The following RNF169 variants were observed in gnomAD, a reference collection of about 807,000 sequenced individuals.
RNF169 encodes the protein E3 ubiquitin-protein ligase RNF169.
RNF169 carries 24 observed loss-of-function variants against 53.9 expected under a neutral mutation model. That is an observed-to-expected ratio of 0.45 (90% CI 0.32 to 0.63). The LOEUF is 0.63. Ranked by LOEUF, RNF169 falls within the 20% of genes least tolerant of loss-of-function variation. The pLI is 0.04. For synonymous variants in RNF169, 396 were observed against 363.5 expected, an observed-to-expected ratio of 1.09 and a Z score of -1.02; for missense variants, 883 against 906.2, an observed-to-expected ratio of 0.97 and a Z score of 0.33.
chr11:74,817,800 G>T (rs933633181), intron 4 of RNF169, 86 bp downstream of exon 4: 7 of 848,214 alleles, frequency 8.3e-6, no homozygotes, highest in East Asian at 4.9e-5. Flanking sequence ...GGTATTTGTT[G>T]TGGCTACTTT....
intron 1 of RNF169, among the ~76,000 whole-genome samples, chr11:74,765,024 C>G (rs1554992093): frequency 4.0e-5 from 6 of 151,738 alleles, no homozygotes; most frequent in Non-Finnish European, 7.4e-5. Flanking sequence ...TCAGCCTGGG[C>G]AAAAAAATGA....
intron 2 of RNF169, among the ~76,000 whole-genome samples, chr11:74,800,188 T>C (rs2035709634): frequency 6.6e-6 from 1 of 152,098 alleles, no homozygotes; most frequent in African/African-American, 2.4e-5. Context: ...TAGCCAAATT[T>C]GTTTAAAAAC....
rs1331107902 is a variant in RNF169, at chr11:74,839,938, TTTTTTAAATTTTAATTTAA to T, written c.*3221_*3239del. ...GGAAACTCCTAAGTGGCTTCACTTATTTTTTAAATTTTAATTTAATTTTTAAATTTTTGCTTGGAAGCAG... is the reference window on the plus strand; with the variant it reads ...GGAAACTCCTAAGTGGCTTCACTTATTTTTTAAATTTTTGCTTGGAAGCAG... On this transcript the variant is annotated 3_prime_UTR_variant, in exon 6 of 6. Transcript: ENST00000299563. The T allele has an allele frequency of 2.0e-5, 3 of 152,326 alleles. No individual in the cohort carries two copies. In the East Asian group the frequency reaches 5.8e-4, roughly 29 times the overall value. 9.4% of individuals were successfully genotyped at this position (152,326 alleles called of 1,614,324 possible). A position where few individuals can be genotyped will look rare whatever the true frequency, so the allele number is the denominator to read the frequency against.
At chr11:74,830,752 T>C (rs1295282751) in intron 4 of RNF169, 1 of 152,136 alleles carries the variant, frequency 6.6e-6, no homozygotes, top group Non-Finnish European at 1.5e-5. Flanking sequence ...CTTCGGAATA[T>C]AGATAAAAAT....
intron 2 of RNF169, among the ~76,000 whole-genome samples, chr11:74,802,044 C>T (rs1398020118): frequency 1.3e-5 from 2 of 152,180 alleles, no homozygotes; most frequent in Admixed American, 6.5e-5. Context: ...ATTAATTAAA[C>T]ACCGTGAGAC....
chr11:74,775,111 A>G lies in RNF169; in HGVS notation c.503-14515A>G, dbSNP rs181678103. 1.6e-4 allele frequency among the ~76,000 whole-genome samples: 24 copies of G among 152,360 alleles called. No homozygotes were observed. The East Asian group carries it at 4.6e-3, about 29-fold the overall frequency. On this transcript the variant is annotated intron_variant, in intron 1 of 5. Transcript: ENST00000299563. ...AAGAGCCCAAGAATGTTTTCTTTTC[A>G]AGATAGATGATATCAAGTCATGTTT...
chr11:74,784,334 G>T (rs945005890), intron 1 of RNF169, among the ~76,000 whole-genome samples: 2 of 152,232 alleles, frequency 1.3e-5, no homozygotes, highest in African/African-American at 4.8e-5. Context: ...GTATGTGTGT[G>T]TTGGGAGGTC....
At chr11:74,778,835 T>C (rs1463353505) in intron 1 of RNF169, among the ~76,000 whole-genome samples, 1 of 152,188 alleles carries the variant, frequency 6.6e-6, no homozygotes, top group Non-Finnish European at 1.5e-5. Flanking sequence ...CACTCCCAGA[T>C]TCCCTAGCTT....
intron 1 of RNF169, among the ~76,000 whole-genome samples, chr11:74,766,291 A>G (rs1336661526): frequency 6.6e-6 from 1 of 152,226 alleles, no homozygotes; most frequent in East Asian, 1.9e-4. Context: ...AAAATGCAGA[A>G]TATGGGAAAA....
chr11:74,790,676 G>A (rs1366862041), intron 2 of RNF169, among the ~76,000 whole-genome samples: 1 of 152,256 alleles, frequency 6.6e-6, no homozygotes, highest in African/African-American at 2.4e-5. Flanking sequence ...CAGCTGCTGT[G>A]CCTTGCTGTG....
At position 74,773,926 on chromosome 11, in the gene RNF169, A is replaced by G. The variant is rs1225947481; in HGVS notation, c.503-15700A>G. On this transcript the variant is annotated intron_variant, in intron 1 of 5. Coordinates refer to ENST00000299563, the MANE Select transcript of RNF169 (RefSeq NM_001098638.2). ...TACCTAATAAATATTAGCTGTTATT[A>G]TATGCAGTCATTCATTTTGTACCCC... is the stretch of plus-strand genomic sequence containing the variant. Among the ~76,000 whole-genome samples the G allele has an allele frequency of 2.6e-5, 4 of 152,266 alleles. No homozygotes were observed. The East Asian group carries it at 7.7e-4, about 29-fold the overall frequency.
At chr11:74,785,688 T>G (rs540780126) in intron 1 of RNF169, among the ~76,000 whole-genome samples, 1 of 152,226 alleles carries the variant, frequency 6.6e-6, no homozygotes, top group African/African-American at 2.4e-5. Context: ...TTAAACATTG[T>G]TCATCTTAAT....
intron 4 of RNF169, among the ~76,000 whole-genome samples, chr11:74,822,146 T>C (rs1014754056): frequency 9.9e-5 from 15 of 151,854 alleles, no homozygotes; most frequent in Non-Finnish European, 2.1e-4. Flanking sequence ...GGGACTCAGC[T>C]CTGTCAGACC....
At chr11:74,754,245 C>T (rs1019090482) in intron 1 of RNF169, among the ~76,000 whole-genome samples, 4 of 152,082 alleles carry the variant, frequency 2.6e-5, no homozygotes, top group Non-Finnish European at 2.9e-5. Flanking sequence ...ACCATACAGG[C>T]TTACATAGGT....
chr11:74,820,936 C>T (rs546696317), intron 4 of RNF169, among the ~76,000 whole-genome samples: 1 of 152,128 alleles, frequency 6.6e-6, no homozygotes, highest in Admixed American at 6.5e-5. Context: ...ATTTAATTCT[C>T]ATATTCATCC....
chr11:74,791,631 T>G (rs2035581275), intron 2 of RNF169, among the ~76,000 whole-genome samples: 1 of 152,238 alleles, frequency 6.6e-6, no homozygotes, highest in Admixed American at 6.5e-5. Flanking sequence ...AGTGCCTCCC[T>G]TGGTCACAAC....
chr11:74,754,731 A>G (rs1367203153), intron 1 of RNF169, among the ~76,000 whole-genome samples: 3 of 152,070 alleles, frequency 2.0e-5, no homozygotes, highest in Non-Finnish European at 4.4e-5. Context: ...GAGGCAGGAG[A>G]TTCGCTTCAA....
At chr11:74,830,038 C>T (rs1468572246) in intron 4 of RNF169, among the ~76,000 whole-genome samples, 1 of 151,996 alleles carries the variant, frequency 6.6e-6, no homozygotes, top group African/African-American at 2.4e-5. Context: ...TTAAAGAAAA[C>T]CTGTACATCA....
chr11:74,754,678 G>A (rs930953179), intron 1 of RNF169, among the ~76,000 whole-genome samples: 9 of 152,116 alleles, frequency 5.9e-5, no homozygotes, highest in Non-Finnish European at 7.4e-5. Flanking sequence ...AGAATTAGCC[G>A]GACGTGGTGG....
Sources: gnomAD v4.1 joint callset for allele counts (sites outside exome capture counted in the v4.1 genomes callset) on GRCh38, gnomAD v4.1.1 for gene constraint, MANE v1.5 for transcripts, NCBI Gene and HGNC (gene_info 2026-07-23, HGNC 2026-07-21) for gene names.